MED15: variants seen among roughly 807,000 people sequenced by gnomAD.
MED15 encodes the protein mediator of RNA polymerase II transcription subunit 15.
A neutral mutation model predicts 118.7 loss-of-function variants in MED15; 41 were observed. The ratio of observed to expected loss-of-function variants is 0.35; its 90% CI spans 0.27 to 0.45. MED15 has a LOEUF of 0.45. MED15 is among the 20% of genes least tolerant of loss of function. The pLI is 1.00. For synonymous variants in MED15, 436 were observed against 413.9 expected, an observed-to-expected ratio of 1.05 and a Z score of -0.65; for missense variants, 740 against 1,025.5, an observed-to-expected ratio of 0.72 and a Z score of 3.80.
intron 8 of MED15, among the ~76,000 whole-genome samples, 200 bp downstream of exon 8, chr22:20,568,831 C>G (rs1024443656): frequency 5.9e-5 from 9 of 152,164 alleles, no homozygotes; most frequent in Non-Finnish European, 1.5e-5. Flanking sequence ...ATGTCTAGGA[C>G]CCACCAGCCG....
intron 1 of MED15, chr22:20,524,460 C>T (rs1376525328): frequency 6.6e-6 from 1 of 151,736 alleles, no homozygotes; most frequent in African/African-American, 2.4e-5. Flanking sequence ...TGAGCTGCAG[C>T]CAGAAGGCAC....
At chr22:20,530,088 T>G (rs1202498345) in intron 1 of MED15, among the ~76,000 whole-genome samples, 1 of 152,192 alleles carries the variant, frequency 6.6e-6, no homozygotes, top group East Asian at 1.9e-4. Context: ...GGTGACATGC[T>G]TAGGAAACCA....
At chr22:20,576,654 A>G (rs1025126076) in intron 9 of MED15, among the ~76,000 whole-genome samples, 2 of 152,198 alleles carry the variant, frequency 1.3e-5, no homozygotes, top group African/African-American at 4.8e-5. Context: ...GCTGGTAGAA[A>G]GGCTTTGGTG....
Position 20,566,463 on chromosome 22 carries a change from C to T in MED15, c.691-4C>T, listed in dbSNP as rs2056442581. On this transcript the variant is annotated splice_polypyrimidine_tract_variant and splice_region_variant and intron_variant, in intron 6 of 17. Coordinates refer to ENST00000263205, the MANE Select transcript of MED15 (RefSeq NM_001003891.3). ...TAACCGAGTGCTGCTTGTTCTGTCT[C>T]TAGATACAGCAGCAGCAACAGCAGC... 1 of 1,611,836 alleles carries T rather than the reference C, an allele frequency of 6.2e-7. No homozygotes were observed. Among genetic ancestry groups the T allele is most frequent in the South Asian group, 1.1e-5 (1 of 91,018 alleles).
At position 20,586,935 on chromosome 22, in the gene MED15, C is replaced by G; in HGVS notation, c.*231C>G. On this transcript the variant is annotated 3_prime_UTR_variant, in exon 18 of 18. Coordinates refer to ENST00000263205, the MANE Select transcript of MED15 (RefSeq NM_001003891.3). Reference sequence around the variant, plus strand: ...GTTGGCCGACTTCTTAGAGAAGGCCCTCCATGTGACTTCCTCCCAGGAGCC... The same window carrying G: ...GTTGGCCGACTTCTTAGAGAAGGCCGTCCATGTGACTTCCTCCCAGGAGCC... 1 of 603,838 alleles carries G rather than the reference C, an allele frequency of 1.7e-6. No homozygotes were observed. The highest frequency in any genetic ancestry group is 2.2e-5 in the South Asian group (1 of 45,460). 37.4% of individuals were successfully genotyped at this position (603,838 alleles called of 1,614,324 possible).
chr22:20,564,095 AGAGCACATGTTC>A (rs775118230), intron 5 of MED15, among the ~76,000 whole-genome samples: 41 of 152,374 alleles, frequency 2.7e-4, no homozygotes, highest in Middle Eastern at 3.4e-3. Context: ...TAGTCACAAA[AGAGCACATGTTC>A]GATGCCATTC....
At chr22:20,542,647 T>C (rs148677121) in intron 2 of MED15, among the ~76,000 whole-genome samples, 61 of 152,328 alleles carry the variant, frequency 4.0e-4, no homozygotes, top group Non-Finnish European at 7.6e-4. Context: ...GGGTAGCACA[T>C]GTTTGAGGCT....
Position 20,585,748 on chromosome 22 carries a change from G to C in MED15, c.2152G>C (p.Val718Leu), listed in dbSNP as rs1199893943. Residue 718 changes from valine (V) to leucine (L), a missense_variant, in exon 17 of 18, where the codon GTG (valine) becomes CTG (leucine). By Grantham distance (32) the Val-to-Leu change is conservative (BLOSUM62 1). This residue lies in a region of MED15 where 179 missense variants were observed against 259.0 expected (regional missense o/e 0.69). Transcript: ENST00000263205. ...CKLDDKDLPS[V>L]PPLELSVPAD... ...TGCAGATGACAAGGACCTCCCAAGT[G>C]TGCCACCACTGGAGCTCAGTGTGCC... 3 of 1,613,280 alleles carry C rather than the reference G, an allele frequency of 1.9e-6. No individual in the cohort carries two copies. The East Asian group carries it at 6.7e-5, about 36-fold the overall frequency.
At chr22:20,585,381 C>T (rs2057104547) in intron 16 of MED15, 114 bp downstream of exon 16, 1 of 1,358,080 alleles carries the variant, frequency 7.4e-7, no homozygotes, top group South Asian at 1.4e-5. Flanking sequence ...TGTGTTCACG[C>T]CCCGCCAGGC....
chr22:20,548,501 T>C (rs1453758198), intron 2 of MED15, among the ~76,000 whole-genome samples: 2 of 152,206 alleles, frequency 1.3e-5, no homozygotes, highest in Non-Finnish European at 2.9e-5. Flanking sequence ...AAAAGATTTA[T>C]GTGCTTCTGA....
chr22:20,537,063 G>A (rs2055107623), intron 1 of MED15, 54 bp from the exon 2 acceptor site: 12 of 1,541,530 alleles, frequency 7.8e-6, no homozygotes, highest in Admixed American at 3.4e-5. Context: ...CCAGGGCCCT[G>A]CAGCGGTGGA....
intron 2 of MED15, among the ~76,000 whole-genome samples, chr22:20,537,785 C>T (rs942272092): frequency 1.3e-5 from 2 of 152,192 alleles, no homozygotes; most frequent in Admixed American, 6.5e-5. Context: ...GGGACAGAAC[C>T]GTTTTACTAG....
intron 2 of MED15, among the ~76,000 whole-genome samples, chr22:20,541,030 C>T (rs2055278425): frequency 6.6e-6 from 1 of 152,094 alleles, no homozygotes; most frequent in African/African-American, 2.4e-5. Context: ...AGATTGAGAC[C>T]ATCCTGGCTA....
At position 20,585,783 on chromosome 22, in the gene MED15, T is replaced by C; in HGVS notation, c.2187T>C (p.Tyr729=). 2.5e-6 allele frequency: 4 copies of C among 1,613,454 alleles called. No individual in the cohort carries two copies. Among genetic ancestry groups the C allele is most frequent in the Non-Finnish European group, 3.4e-6 (4 of 1,179,996 alleles). ...TGGAGCTCAGTGTGCCCGCTGACTA[T>C]CCTGCCCAAAGCCCGCTGTGGATAG... The part of the protein sequence containing the change: ...PPLELSVPAD[Y]PAQSPLWIDR... Residue 729 remains tyrosine, a synonymous_variant, in exon 17 of 18, where the codon TAT becomes TAC. Coordinates refer to ENST00000263205, the MANE Select transcript of MED15 (RefSeq NM_001003891.3).
intron 5 of MED15, among the ~76,000 whole-genome samples, chr22:20,556,596 A>G (rs165792): frequency 0.29 from 44,017 of 152,046 alleles, 6,600 homozygotes; most frequent in East Asian, 0.51. Context: ...CATCACGCCC[A>G]GCCGACTTCA....
At chr22:20,575,909 G>A (rs1010235224) in intron 9 of MED15, among the ~76,000 whole-genome samples, 7 of 152,166 alleles carry the variant, frequency 4.6e-5, no homozygotes, top group African/African-American at 9.7e-5. Context: ...ACTCCAGAAC[G>A]TGGCCAATGT....
rs2056798953 is a variant in MED15 at position 20,575,590 on chromosome 22, G to A, written c.1272+358G>A. ...TTTACATTTAAATTGACTAAAATTA[G>A]GCCGGGCACAGGGGCTTATGGCTAT... On this transcript the variant is annotated intron_variant, in intron 9 of 17. Coordinates refer to ENST00000263205, the MANE Select transcript of MED15 (RefSeq NM_001003891.3). Among the ~76,000 whole-genome samples the A allele has an allele frequency of 2.0e-5, 3 of 151,964 alleles. No homozygotes were observed. In the South Asian group the frequency reaches 6.2e-4, roughly 31 times the overall value.
intron 1 of MED15, among the ~76,000 whole-genome samples, chr22:20,525,279 C>G (rs907340713): frequency 6.6e-6 from 1 of 151,938 alleles, no homozygotes; most frequent in African/African-American, 2.4e-5. Context: ...ACACAGAGAG[C>G]CTGTCTCAAA....
chr22:20,579,536 CG>C (rs2056917745), intron 9 of MED15, among the ~76,000 whole-genome samples: 1 of 140,932 alleles, frequency 7.1e-6, no homozygotes, highest in South Asian at 2.5e-4. Context: ...TATGTGGGGG[CG>C]GGGGTGGGGA....
Sources: gnomAD v4.1 joint callset for allele counts (sites outside exome capture counted in the v4.1 genomes callset) on GRCh38, gnomAD v4.1.1 for gene constraint, gnomAD v4.1.1 regional missense constraint, MANE v1.5 for transcripts, NCBI Gene and HGNC (gene_info 2026-07-23, HGNC 2026-07-21) for gene names.